PDE3B: variants seen among roughly 807,000 people sequenced by gnomAD.
PDE3B encodes cGMP-inhibited 3',5'-cyclic phosphodiesterase 3B.
A neutral mutation model predicts 116.8 loss-of-function variants in PDE3B; 66 were observed. The observed-to-expected ratio is 0.56, with a 90% CI of 0.46 to 0.69. The LOEUF (loss-of-function observed/expected upper bound fraction) is 0.69. Among genes scored for constraint, PDE3B ranks in the 30% least tolerant of loss-of-function variants. PDE3B has a pLI of 0.00. For synonymous variants in PDE3B, 595 were observed against 533.6 expected (o/e 1.12, Z -1.59); for missense variants, 1,384 against 1,368.1 (o/e 1.01, Z -0.18).
the PDE3B span, among the ~76,000 whole-genome samples, chr11:14,898,699 CTTTCTTTTTTTCTCTTTTTCTTTTCT>C: frequency 6.6e-6 from 1 of 152,090 alleles, no homozygotes; most frequent in South Asian, 2.1e-4. Context: ...GGGCTATGCT[CTTTCTTTTTTTCTCTTTTTCTTTTCT>C]TTTCTTTTTT....
chr11:14,672,379 A>T (rs558186235), intron 1 of PDE3B, among the ~76,000 whole-genome samples: 348 of 152,216 alleles, frequency 2.3e-3, no homozygotes, highest in Non-Finnish European at 4.1e-3. Flanking sequence ...ATACTTTCCC[A>T]TACTTTACAC....
chr11:14,745,701 C>T (rs183000403), intron 1 of PDE3B, among the ~76,000 whole-genome samples: 17 of 152,164 alleles, frequency 1.1e-4, no homozygotes, highest in Admixed American at 3.9e-4. Flanking sequence ...CTCCTTTCCT[C>T]GCTATACTTT....
Position 14,738,741 on chromosome 11 carries a change from C to T in PDE3B, c.979-33196C>T, listed in dbSNP as rs150597776. Among the ~76,000 whole-genome samples, 642 of 152,260 alleles carry T rather than the reference C, an allele frequency of 4.2e-3. 4 individuals carry two copies. Among genetic ancestry groups the T allele is most frequent in the Middle Eastern group, 0.02 (6 of 294 alleles). On this transcript the variant is annotated intron_variant, in intron 1 of 15. Transcript: ENST00000282096. ...AGGGTTTTTATGGTTTTAGGTCTTA[C>T]GCTTAAGTCTTTAATCCATCTTGAG... is the stretch of plus-strand genomic sequence containing the variant.
intron 12 of PDE3B, 102 bp from the exon 13 acceptor site, chr11:14,858,941 A>G: frequency 1.4e-6 from 1 of 738,180 alleles, no homozygotes; most frequent in East Asian, 2.6e-5. Flanking sequence ...TGCCTAGTAT[A>G]TAGTAGGTAT....
At chr11:14,678,317 T>G (rs1030739387) in intron 1 of PDE3B, among the ~76,000 whole-genome samples, 5 of 152,168 alleles carry the variant, frequency 3.3e-5, no homozygotes, top group African/African-American at 1.2e-4. Context: ...CGTACAAGTT[T>G]TTGTGTGAAC....
chr11:14,818,461 G>A lies in PDE3B; in HGVS notation c.1733+68G>A, dbSNP rs546843308. ...ATTACAGTTAAGTCCTCAACATTTTGGATAGGTTCTTGGAAACTCCAGCTT... is the reference window on the plus strand; with the variant it reads ...ATTACAGTTAAGTCCTCAACATTTTAGATAGGTTCTTGGAAACTCCAGCTT... On this transcript the variant is annotated intron_variant, in intron 6 of 15. Coordinates refer to ENST00000282096, the MANE Select transcript of PDE3B (RefSeq NM_000922.4). 357 of 1,058,344 alleles carry A rather than the reference G, an allele frequency of 3.4e-4. 4 individuals are homozygous for A. The South Asian group carries it at 4.6e-3, about 14-fold the overall frequency. 65.6% of individuals were successfully genotyped at this position (1,058,344 alleles called of 1,614,324 possible).
At chr11:14,743,049 A>G (rs931940519) in intron 1 of PDE3B, among the ~76,000 whole-genome samples, 4 of 152,080 alleles carry the variant, frequency 2.6e-5, no homozygotes, top group African/African-American at 9.7e-5. Context: ...GGGGTCAGGG[A>G]CCCACTTGAG....
rs1199127025 is a variant in PDE3B at position 14,644,074 on chromosome 11, C to T, written c.-2C>T. On this transcript the variant is annotated 5_prime_UTR_variant, in exon 1 of 16. Coordinates refer to ENST00000282096, the MANE Select transcript of PDE3B (RefSeq NM_000922.4). The stretch of plus-strand genomic sequence containing the variant: ...GTCCCGTGGCCACCCCCGGCCCCAG[C>T]CATGAGGAGGGACGAGCGAGACGCC... 5.9e-6 allele frequency: 9 copies of T among 1,526,332 alleles called. No homozygotes were observed. The highest frequency in any genetic ancestry group is 7.0e-6 in the Non-Finnish European group (8 of 1,148,140). The allele number at this position is 1,526,332 out of a possible 1,614,324, so 94.5% of individuals were successfully genotyped here.
chr11:14,730,247 A>G (rs1856421683), intron 1 of PDE3B, among the ~76,000 whole-genome samples: 1 of 152,196 alleles, frequency 6.6e-6, no homozygotes, highest in South Asian at 2.1e-4. Flanking sequence ...TAGCTGACCT[A>G]AGGTCACATA....
At chr11:14,805,690 A>G (rs1394979068) in intron 5 of PDE3B, among the ~76,000 whole-genome samples, 1 of 152,208 alleles carries the variant, frequency 6.6e-6, no homozygotes, top group East Asian at 1.9e-4. Flanking sequence ...TGCTACTAAG[A>G]TTCAGTAAAG....
rs1017725488 is a variant in PDE3B at position 14,869,994 on chromosome 11, A to G, written c.*334A>G. 5.1e-5 allele frequency: 9 copies of G among 176,842 alleles called. No homozygotes were observed. Among genetic ancestry groups the G allele is most frequent in the Non-Finnish European group, 1.1e-4 (9 of 84,584 alleles). 11.0% of individuals were successfully genotyped at this position (176,842 alleles called of 1,614,324 possible). On this transcript the variant is annotated 3_prime_UTR_variant, in exon 16 of 16. Transcript: ENST00000282096. ...TCTTATTTTTCACTGGGGGTCAGCT[A>G]TAACTAAAAACTCAAGTGACATATT...
intron 4 of PDE3B, 42 bp downstream of exon 4, chr11:14,789,284 A>G (rs2133919163): frequency 6.7e-7 from 1 of 1,497,866 alleles, no homozygotes; most frequent in South Asian, 1.2e-5. Flanking sequence ...AATCAAATGC[A>G]TCTACTTTGT....
intron 1 of PDE3B, among the ~76,000 whole-genome samples, chr11:14,723,535 C>T (rs1394253305): frequency 6.6e-6 from 1 of 151,978 alleles, no homozygotes; most frequent in African/African-American, 2.4e-5. Flanking sequence ...GGGAGGATCG[C>T]CTGAGGCCAG....
At chr11:14,701,005 G>A (rs1855344042) in intron 1 of PDE3B, 2 of 151,624 alleles carry the variant, frequency 1.3e-5, no homozygotes, top group African/African-American at 4.8e-5. Context: ...GCAGATCTGA[G>A]TGCCTATCAT....
At chr11:14,712,377 G>A (rs10766189) in intron 1 of PDE3B, among the ~76,000 whole-genome samples, 53,865 of 150,990 alleles carry the variant, frequency 0.36, 10,911 homozygotes, top group South Asian at 0.47. Context: ...GAGCCACCAC[G>A]CCCAATCCTG....
rs961298314 is a variant in PDE3B, at chr11:14,786,339, A to G, written c.1030-98A>G. 12 of 630,718 alleles carry G rather than the reference A, an allele frequency of 1.9e-5. No homozygotes were observed. The Admixed American group carries it at 1.9e-4, about 10-fold the overall frequency. 39.1% of individuals were successfully genotyped at this position (630,718 alleles called of 1,614,324 possible). ...ATTAAAGTTCACGGTTATTTGCTACATATATATATATATAAATTTTAAGTT... is the reference window on the plus strand; with the variant it reads ...ATTAAAGTTCACGGTTATTTGCTACGTATATATATATATAAATTTTAAGTT... On this transcript the variant is annotated intron_variant, in intron 2 of 15. Coordinates refer to ENST00000282096, the MANE Select transcript of PDE3B (RefSeq NM_000922.4).
intron 13 of PDE3B, among the ~76,000 whole-genome samples, chr11:14,860,273 C>T (rs550985876): frequency 6.6e-6 from 1 of 152,162 alleles, no homozygotes; most frequent in East Asian, 1.9e-4. Flanking sequence ...TTTGAAGTCT[C>T]TCAAAAAAAT....
intron 4 of PDE3B, among the ~76,000 whole-genome samples, chr11:14,798,867 C>G (rs1858649775): frequency 6.6e-6 from 1 of 151,818 alleles, no homozygotes; most frequent in Non-Finnish European, 1.5e-5. Flanking sequence ...TTTTGTTGAT[C>G]TTTTGAAAAA....
At chr11:14,703,466 G>A (rs1855432858) in intron 1 of PDE3B, among the ~76,000 whole-genome samples, 1 of 150,210 alleles carries the variant, frequency 6.7e-6, no homozygotes, top group African/African-American at 2.4e-5. Flanking sequence ...TAGGAGACTT[G>A]TCACCACTCA....
Sources: allele counts gnomAD v4.1 joint callset (sites outside exome capture counted in the v4.1 genomes callset), GRCh38; gene constraint gnomAD v4.1.1; transcripts MANE v1.5; gene names NCBI Gene and HGNC (gene_info 2026-07-23, HGNC 2026-07-21).